The following ITGA10 variants were observed in gnomAD, a reference collection of about 807,000 sequenced individuals.
ITGA10 encodes integrin alpha-10.
ITGA10 carries 105 observed loss-of-function variants against 145.2 expected under a neutral mutation model. That is an observed-to-expected ratio of 0.72 (90% CI 0.62 to 0.85). The LOEUF (loss-of-function observed/expected upper bound fraction) is 0.85, where lower values mean the gene tolerates loss of function less well. ITGA10 is among the 40% of genes least tolerant of loss of function. The pLI, the probability that ITGA10 is intolerant of heterozygous loss-of-function variation, is 0.00. For synonymous variants in ITGA10, 506 were observed against 557.8 expected, an observed-to-expected ratio of 0.91 and a Z score of 1.31; for missense variants, 1,317 against 1,444.5, an observed-to-expected ratio of 0.91 and a Z score of 1.43.
intron 9 of ITGA10, 59 bp from the exon 10 acceptor site, chr1:145,902,378 A>G (rs1322886131): frequency 1.2e-6 from 2 of 1,607,618 alleles, no homozygotes; most frequent in Non-Finnish European, 1.7e-6. Context: ...CCTTTGACCT[A>G]CTGAACTCAC....
In ITGA10 at chr1:145,899,281, C is replaced by G. The variant is rs200379442; in HGVS notation, c.1983G>C (p.Val661=). The stretch of plus-strand genomic sequence containing the variant: ...CTCGCCGCCTACAGTCCCTCTGAAC[C>G]ACACTGATGGCCTGTGGGGTCACCT... ...SLEVTPQAIS[V]VQRDCRRRGQ... The change falls in exon 16 of 30, where the codon GTG becomes GTC. Residue 661 remains valine (V), a synonymous_variant. Coordinates refer to ENST00000369304, the MANE Select transcript of ITGA10 (RefSeq NM_003637.5). 6.2e-7 allele frequency: 1 copy of G among 1,614,220 alleles called. No homozygotes were observed. The highest frequency in any genetic ancestry group is 1.7e-5 in the Admixed American group (1 of 60,036).
chr1:145,900,865 AG>A lies in ITGA10; in HGVS notation c.1715del (p.Pro572LeufsTer48). The A allele has an allele frequency of 6.2e-7, 1 of 1,613,994 alleles. No homozygotes were observed. The highest frequency in any genetic ancestry group is 1.1e-5 in the South Asian group (1 of 91,072). On this transcript the variant is annotated frameshift_variant, in exon 14 of 30. Transcript: ENST00000369304. LOFTEE classifies it high-confidence loss of function. ...DGFADVAVGA[P>X]LEDGHQGALY... is the part of the protein sequence containing the mutation. Reference sequence around the variant, plus strand: ...GTGCTCCCTGGTGCCCATCTTCCAGAGGCGCCCCCACAGCCACATCAGCAAA... The same window carrying A: ...GTGCTCCCTGGTGCCCATCTTCCAGAGCGCCCCCACAGCCACATCAGCAAA...
Position 145,901,224 on chromosome 1 carries a change from T to C in ITGA10, c.1498A>G (p.Thr500Ala), listed in dbSNP as rs1338588193. 1 of 1,614,100 alleles carries C rather than the reference T, an allele frequency of 6.2e-7. No homozygotes were observed. The highest frequency in any genetic ancestry group is 2.2e-5 in the East Asian group (1 of 44,886). Residue 500 changes from threonine to alanine, a missense_variant, in exon 13 of 30, where the codon ACA (threonine) becomes GCA (alanine). Transcript: ENST00000369304. This position sits in a 1 kb window ranked among gnomAD's most constrained non-coding sequence, Gnocchi z 4.3. ...LCPLDTDRDG[T>A]TDVLLVAAPM... ...GCAGCCACAAGTAAGACATCAGTTGTTCCATCCCTATCTGTATCCAATGGG... is the reference window on the plus strand; with the variant it reads ...GCAGCCACAAGTAAGACATCAGTTGCTCCATCCCTATCTGTATCCAATGGG...
At chr1:145,898,450 G>C (rs587626955) in intron 17 of ITGA10, among the ~76,000 whole-genome samples, 2 of 152,050 alleles carry the variant, frequency 1.3e-5, no homozygotes, top group African/African-American at 4.8e-5. Flanking sequence ...CTCACTGCAA[G>C]CTCTGCCTCC....
chr1:145,900,105 T>C lies in ITGA10; in HGVS notation c.1874A>G (p.Asp625Gly). 1 of 1,613,570 alleles carries C rather than the reference T, an allele frequency of 6.2e-7. No individual in the cohort carries two copies. The highest frequency in any genetic ancestry group is 8.5e-7 in the Non-Finnish European group (1 of 1,179,750). Residue 625 changes from aspartate (D) to glycine (G), a missense_variant, in exon 15 of 30, where the codon GAT (aspartate) becomes GGT (glycine). Transcript: ENST00000369304. ...VDGRLDLDGDDLVDVAVGAQG... is the reference protein window; with the variant it reads ...VDGRLDLDGDGLVDVAVGAQG... Reference sequence around the variant, plus strand: ...GGCACCCACAGCCACATCGACCAGATCATCTCCATCCAGATCTAGCCGACC... The same window carrying C: ...GGCACCCACAGCCACATCGACCAGACCATCTCCATCCAGATCTAGCCGACC...
At chr1:145,897,368 T>C in intron 20 of ITGA10, 29 bp from the exon 21 acceptor site, 1 of 1,611,546 alleles carries the variant, frequency 6.2e-7, no homozygotes, top group East Asian at 2.2e-5. Context: ...AGATAGAAGC[T>C]GGAGCTGGGG....
intron 29 of ITGA10, 51 bp from the exon 30 acceptor site, chr1:145,892,914 T>C (rs1306775189): frequency 1.4e-6 from 2 of 1,411,522 alleles, no homozygotes; most frequent in Non-Finnish European, 2.0e-6. Flanking sequence ...CTGGGAACCT[T>C]GCCAGTAGCT....
In ITGA10 at chr1:145,897,563, G is replaced by T. The variant is rs116524970; in HGVS notation, c.2523C>A (p.Ser841Arg). 10,345 of 1,614,048 alleles carry T rather than the reference G, an allele frequency of 6.4e-3. 44 individuals are homozygous for T. The highest frequency in any genetic ancestry group is 7.8e-3 in the Non-Finnish European group (9,191 of 1,179,988). Residue 841 changes from serine to arginine, a missense_variant, in exon 20 of 30, where the codon AGC becomes AGA. Transcript: ENST00000369304. ...GGTTTCTAGAGAAGATGAGACTCAG[G>T]CTCGTATTGTAAGCATTTTCCTTTC... ...ENRKENAYNT[S>R]LSLIFSRNLH...
At chr1:145,898,461 TG>T (rs1334124577) in intron 17 of ITGA10, among the ~76,000 whole-genome samples, 4 of 152,028 alleles carry the variant, frequency 2.6e-5, no homozygotes, top group African/African-American at 9.7e-5. Flanking sequence ...CTCTGCCTCC[TG>T]GGTTCAGGCC....
Position 145,904,117 on chromosome 1 carries a change from T to A in ITGA10, c.693A>T (p.Ala231=). 11 of 1,614,208 alleles carry A rather than the reference T, an allele frequency of 6.8e-6. No homozygotes were observed. Among genetic ancestry groups the A allele is most frequent in the Non-Finnish European group, 9.3e-6 (11 of 1,180,038 alleles). ...CCTCCCGCCGACTGAGGTTCTTTGCTGCTCTCACCACTTCTTCCTTCGTTC... is the reference window on the plus strand; with the variant it reads ...CCTCCCGCCGACTGAGGTTCTTTGCAGCTCTCACCACTTCTTCCTTCGTTC... The part of the protein sequence containing the change: ...DFRTKEEVVR[A]AKNLSRREGR... The change falls in exon 7 of 30, where the codon GCA becomes GCT. Residue 231 remains alanine, a synonymous_variant. Transcript: ENST00000369304.
Position 145,907,063 on chromosome 1 carries a change from G to A in ITGA10, c.252C>T (p.Ala84=). ...CACCTAAGTGGCCCTTGGCACATGG[G>A]GCATTGTGGGCCCCCCCTACAGGGC... is the stretch of plus-strand genomic sequence containing the variant. ...YRCPVGGAHN[A]PCAKGHLGDY... The change falls in exon 3 of 30, where the codon GCC becomes GCT. Residue 84 remains alanine (A), a synonymous_variant. Transcript: ENST00000369304. 3 of 1,559,200 alleles carry A rather than the reference G, an allele frequency of 1.9e-6. No homozygotes were observed. In the South Asian group the frequency reaches 3.6e-5, roughly 18 times the overall value.
At chr1:145,909,087 G>A (rs1403178447) in intron 1 of ITGA10, among the ~76,000 whole-genome samples, 1 of 151,774 alleles carries the variant, frequency 6.6e-6, no homozygotes, top group Admixed American at 6.6e-5. Context: ...CGGATTGCTT[G>A]AGTCCAGGAG....
At chr1:145,904,263 G>T (rs1656796594) in intron 6 of ITGA10, 63 bp from the exon 7 acceptor site, 2 of 1,517,768 alleles carry the variant, frequency 1.3e-6, no homozygotes, top group African/African-American at 1.4e-5. Flanking sequence ...GGAGGAAGAA[G>T]AAAGTATATA....
intron 1 of ITGA10, 41 bp from the exon 2 acceptor site, chr1:145,907,506 T>C: frequency 1.9e-6 from 3 of 1,612,520 alleles, no homozygotes; most frequent in Non-Finnish European, 2.5e-6. Context: ...AGGTAGTGAA[T>C]GGCTAGAGGC....
In ITGA10 at chr1:145,902,489, A is replaced by T; in HGVS notation, c.1040T>A (p.Val347Glu). 6.2e-7 allele frequency: 1 copy of T among 1,613,074 alleles called. No individual in the cohort carries two copies. The highest frequency in any genetic ancestry group is 8.5e-7 in the Non-Finnish European group (1 of 1,179,520). ...AAAAATCCGATCTCCTAGTGCATCCACAATGTCAGTCAGAGCAGCCTCATC... is the reference window on the plus strand; with the variant it reads ...AAAAATCCGATCTCCTAGTGCATCCTCAATGTCAGTCAGAGCAGCCTCATC... Reference protein sequence around the residue: ...VTDEAALTDIVDALGDRIFGL... With the variant: ...VTDEAALTDIEDALGDRIFGL... The change falls in exon 9 of 30, where the codon GTG becomes GAG. Residue 347 changes from valine to glutamate, a missense_variant. Physicochemically the swap from Val to Glu is moderately radical, Grantham distance 121. Coordinates refer to ENST00000369304, the MANE Select transcript of ITGA10 (RefSeq NM_003637.5).
intron 27 of ITGA10, among the ~76,000 whole-genome samples, chr1:145,894,335 C>A (rs1328865196): frequency 2.0e-5 from 3 of 152,072 alleles, no homozygotes; most frequent in Non-Finnish European, 2.9e-5. Flanking sequence ...TGGTCTCGAT[C>A]TCCTGATCTC....
At position 145,909,333 on chromosome 1, in the gene ITGA10, AC is replaced by A. The variant is rs1657537693; in HGVS notation, c.52+629del. ...AAATTAGCTGTGCGTGGTGGCGCGT[AC>A]CTAGTAGTCCCAACTACTGAGCTGT... On this transcript the variant is annotated intron_variant, in intron 1 of 29. Transcript: ENST00000369304. Among the ~76,000 whole-genome samples, 4 of 150,590 alleles carry A rather than the reference AC, an allele frequency of 2.7e-5. No individual in the cohort carries two copies. In the South Asian group the frequency reaches 8.3e-4, roughly 31 times the overall value.
intron 22 of ITGA10, 39 bp from the exon 23 acceptor site, chr1:145,896,897 T>C: frequency 6.4e-7 from 1 of 1,564,316 alleles, no homozygotes; most frequent in Non-Finnish European, 8.8e-7. Flanking sequence ...TCTCAACCCC[T>C]CCTCAGAAGA....
chr1:145,902,183 CTGTGGT>C (rs1490935137), intron 10 of ITGA10, 57 bp downstream of exon 10: 2 of 1,584,100 alleles, frequency 1.3e-6, no homozygotes, highest in African/African-American at 2.7e-5. Flanking sequence ...CTGGAGGGCC[CTGTGGT>C]TGAAGTTATC....
Sources: gnomAD v4.1 joint callset for allele counts (sites outside exome capture counted in the v4.1 genomes callset) on GRCh38, gnomAD v4.1.1 for gene constraint, Gnocchi (gnomAD v3.1) non-coding constraint, MANE v1.5 for transcripts, NCBI Gene and HGNC (gene_info 2026-07-23, HGNC 2026-07-21) for gene names.